CAMK2D: variants seen among roughly 807,000 people sequenced by gnomAD.
CAMK2D encodes calcium/calmodulin dependent protein kinase II delta, also known as calcium/calmodulin-dependent protein kinase type II subunit delta.
Under a neutral mutation model 84.0 loss-of-function variants are expected in CAMK2D, and 37 were observed. That is an observed-to-expected ratio of 0.44 (90% CI 0.34 to 0.58). The LOEUF is 0.58. Ranked by LOEUF, CAMK2D falls within the 20% of genes least tolerant of loss-of-function variation. The pLI, the probability that CAMK2D is intolerant of heterozygous loss-of-function variation, is 0.02. For missense variants in CAMK2D, 448 were observed against 652.5 expected, an observed-to-expected ratio of 0.69 and a Z score of 3.41; for synonymous variants, 202 against 212.5, an observed-to-expected ratio of 0.95 and a Z score of 0.43.
chr4:113,497,970 ATG>A (rs1279563857), intron 16 of CAMK2D, among the ~76,000 whole-genome samples: 1 of 152,238 alleles, frequency 6.6e-6, no homozygotes, highest in Non-Finnish European at 1.5e-5. Flanking sequence ...GTTGAAAAGT[ATG>A]TGTGTGGAAG....
chr4:113,692,386 A>T (rs987425254), intron 2 of CAMK2D, among the ~76,000 whole-genome samples: 2 of 152,336 alleles, frequency 1.3e-5, no homozygotes, highest in South Asian at 4.1e-4. Flanking sequence ...TTTACATGGT[A>T]CTACTGTAAT....
At chr4:113,631,699 G>C (rs577338283) in intron 3 of CAMK2D, among the ~76,000 whole-genome samples, 2 of 152,180 alleles carry the variant, frequency 1.3e-5, no homozygotes, top group Admixed American at 6.6e-5. Context: ...AACTGAACTA[G>C]AGCTTCAGGG....
At chr4:113,534,853 C>T (rs7689283) in intron 7 of CAMK2D, among the ~76,000 whole-genome samples, 4,295 of 152,218 alleles carry the variant, frequency 0.028, 165 homozygotes, top group African/African-American at 0.097. Context: ...AAGTGACTTG[C>T]TCAATATCAT....
intron 2 of CAMK2D, among the ~76,000 whole-genome samples, chr4:113,706,588 T>C (rs1013897938): frequency 7.3e-4 from 111 of 152,300 alleles, no homozygotes; most frequent in African/African-American, 2.6e-3. Flanking sequence ...TAACAAAATA[T>C]GTACATTTTA....
intron 2 of CAMK2D, among the ~76,000 whole-genome samples, chr4:113,694,622 G>C (rs2099397456): frequency 6.6e-6 from 1 of 151,982 alleles, no homozygotes; most frequent in Non-Finnish European, 1.5e-5. Flanking sequence ...AGATAGGAGG[G>C]GCAGATCCCC....
intron 2 of CAMK2D, among the ~76,000 whole-genome samples, chr4:113,691,073 T>C (rs575902397): frequency 6.6e-6 from 1 of 152,328 alleles, no homozygotes; most frequent in South Asian, 2.1e-4. Flanking sequence ...TATTCCTTAA[T>C]AGAACACTCT....
chr4:113,493,664 T>C (rs2097879900), intron 16 of CAMK2D, among the ~76,000 whole-genome samples: 1 of 151,886 alleles, frequency 6.6e-6, no homozygotes, highest in African/African-American at 2.4e-5. Flanking sequence ...GTGTTCTCTG[T>C]ATTTCCTGAA....
intron 4 of CAMK2D, among the ~76,000 whole-genome samples, chr4:113,601,129 A>G (rs1293696696): frequency 6.6e-6 from 1 of 152,186 alleles, no homozygotes; most frequent in East Asian, 1.9e-4. Flanking sequence ...TCTTTAGGAG[A>G]CAAGTTTATA....
At chr4:113,695,496 T>C (rs1006857623) in intron 2 of CAMK2D, among the ~76,000 whole-genome samples, 3 of 152,010 alleles carry the variant, frequency 2.0e-5, no homozygotes, top group African/African-American at 7.2e-5. Context: ...TTCCTGCAGT[T>C]TTCCCCATCT....
rs893437361 is a variant in CAMK2D at position 113,646,220 on chromosome 4, A to G, written c.220+15493T>C. Among the ~76,000 whole-genome samples, 3 of 152,224 alleles carry G rather than the reference A, an allele frequency of 2.0e-5. No individual in the cohort carries two copies. The East Asian group carries it at 5.8e-4, about 29-fold the overall frequency. The stretch of plus-strand genomic sequence containing the variant: ...AATAGAAGTGTTTGTTCCTCTTCAG[A>G]TAATCTAAACTTGAACTTAAAAAAA... On this transcript the variant is annotated intron_variant, in intron 3 of 20. Transcript: ENST00000511664.
intron 13 of CAMK2D, chr4:113,508,233 C>A: frequency 6.5e-7 from 1 of 1,545,886 alleles, no homozygotes; most frequent in Non-Finnish European, 8.8e-7. Flanking sequence ...GATAGATCCT[C>A]ACCATCATCT....
intron 16 of CAMK2D, among the ~76,000 whole-genome samples, chr4:113,489,409 C>T (rs993759700): frequency 9.3e-5 from 14 of 150,266 alleles, no homozygotes; most frequent in African/African-American, 1.7e-4. Flanking sequence ...TTTGTTCTTG[C>T]GATAGTTTAC....
At chr4:113,681,912 A>C (rs2099347100) in intron 2 of CAMK2D, among the ~76,000 whole-genome samples, 1 of 152,070 alleles carries the variant, frequency 6.6e-6, no homozygotes, top group Non-Finnish European at 1.5e-5. Flanking sequence ...TCATTTGATT[A>C]GTTTGTAATT....
intron 3 of CAMK2D, among the ~76,000 whole-genome samples, chr4:113,625,699 G>C (rs1242254879): frequency 6.6e-6 from 1 of 152,134 alleles, no homozygotes; most frequent in Non-Finnish European, 1.5e-5. Context: ...GTTATACAGA[G>C]CCTTGGAGTA....
chr4:113,684,754 G>C (rs1475432878), intron 2 of CAMK2D, among the ~76,000 whole-genome samples: 2 of 152,160 alleles, frequency 1.3e-5, no homozygotes, highest in Non-Finnish European at 2.9e-5. Flanking sequence ...CAGAAAAACA[G>C]TATTACTCTT....
intron 3 of CAMK2D, among the ~76,000 whole-genome samples, chr4:113,625,520 G>T (rs1252327193): frequency 6.6e-6 from 1 of 152,126 alleles, no homozygotes; most frequent in East Asian, 1.9e-4. Flanking sequence ...CCATGGAGAT[G>T]CCTCAGGGAA....
At chr4:113,730,451 A>G (rs184060871) in intron 2 of CAMK2D, among the ~76,000 whole-genome samples, 30 of 152,316 alleles carry the variant, frequency 2.0e-4, no homozygotes, top group Non-Finnish European at 1.8e-4. Context: ...TTACTAAGGT[A>G]CTCATAGATA....
At chr4:113,760,766 G>A (rs994624501) in intron 1 of CAMK2D, among the ~76,000 whole-genome samples, 34 of 152,088 alleles carry the variant, frequency 2.2e-4, no homozygotes, top group Admixed American at 7.9e-4. Context: ...GTGGGGGACC[G>A]GGAGAAGGTG....
intron 9 of CAMK2D, among the ~76,000 whole-genome samples, chr4:113,516,978 G>A (rs1053656260): frequency 2.6e-5 from 4 of 151,746 alleles, no homozygotes; most frequent in African/African-American, 9.7e-5. Flanking sequence ...CTTAATTTAT[G>A]AATGTATATA....
Sources: gnomAD v4.1 joint callset for allele counts (sites outside exome capture counted in the v4.1 genomes callset) on GRCh38, gnomAD v4.1.1 for gene constraint, MANE v1.5 for transcripts, NCBI Gene and HGNC (gene_info 2026-07-23, HGNC 2026-07-21) for gene names.